Variants in DNM3 observed in about 807,000 individuals in gnomAD.
DNM3 encodes the protein dynamin 3.
In DNM3, 47 loss-of-function variants were observed where a neutral mutation model predicts 101.6. The ratio of observed to expected loss-of-function variants is 0.46; its 90% CI spans 0.37 to 0.59. DNM3 has a LOEUF of 0.59. DNM3 is among the 20% of genes least tolerant of loss of function. DNM3 has a pLI of 0.00. For missense variants in DNM3, 849 were observed against 1,085.7 expected (o/e 0.78, Z 3.06); for synonymous variants, 385 against 387.9 (o/e 0.99, Z 0.09).
At chr1:171,882,331 G>T (rs534133910) in intron 1 of DNM3, among the ~76,000 whole-genome samples, 2 of 108,200 alleles carry the variant, frequency 1.8e-5, no homozygotes, top group African/African-American at 4.1e-5. Flanking sequence ...CAACAAGAGC[G>T]AAACTCCGTC....
At chr1:172,359,149 C>CACACACACACACACAT (rs1553244184) in intron 17 of DNM3, among the ~76,000 whole-genome samples, 98 of 151,002 alleles carry the variant, frequency 6.5e-4, no homozygotes, top group Non-Finnish European at 9.9e-4. Flanking sequence ...CACACACACA[C>CACACACACACACACAT]ACACACACAC....
intron 15 of DNM3, among the ~76,000 whole-genome samples, chr1:172,264,993 G>A (rs1008229382): frequency 7.4e-4 from 112 of 152,252 alleles, no homozygotes; most frequent in African/African-American, 2.6e-3. Context: ...TTATTGTGTA[G>A]GGATTTCAGT....
intron 15 of DNM3, among the ~76,000 whole-genome samples, chr1:172,257,497 C>A (rs965076140): frequency 6.6e-5 from 10 of 152,042 alleles, no homozygotes; most frequent in Non-Finnish European, 1.5e-4. Context: ...CAGCCCTCTT[C>A]ATTCCTAATA....
chr1:172,085,690 T>C (rs891382299), intron 12 of DNM3, among the ~76,000 whole-genome samples: 11 of 152,164 alleles, frequency 7.2e-5, no homozygotes, highest in African/African-American at 2.7e-4. Context: ...ATTCTATGGG[T>C]CTTAAGATTT....
chr1:171,922,353 A>AT (rs202066802), intron 2 of DNM3, among the ~76,000 whole-genome samples: 15 of 150,842 alleles, frequency 9.9e-5, no homozygotes, highest in South Asian at 6.3e-4. Flanking sequence ...ATGATGTTGA[A>AT]TTTTTTTTTC....
intron 14 of DNM3, among the ~76,000 whole-genome samples, chr1:172,228,905 T>A (rs866083307): frequency 1.3e-5 from 2 of 152,140 alleles, no homozygotes; most frequent in African/African-American, 2.4e-5. Flanking sequence ...ATAAATTTTT[T>A]AAAATTTTTA....
At chr1:171,928,502 A>G (rs1327118680) in intron 2 of DNM3, among the ~76,000 whole-genome samples, 1 of 152,100 alleles carries the variant, frequency 6.6e-6, no homozygotes, top group African/African-American at 2.4e-5. Flanking sequence ...GGTCTGTGCT[A>G]TGGGACCAAG....
intron 14 of DNM3, among the ~76,000 whole-genome samples, chr1:172,146,522 T>C (rs1285301308): frequency 6.6e-6 from 1 of 152,152 alleles, no homozygotes; most frequent in Non-Finnish European, 1.5e-5. Context: ...ACCTATTCAA[T>C]AGTGCTTGCA....
At chr1:172,002,718 T>C (rs1389721504) in intron 4 of DNM3, among the ~76,000 whole-genome samples, 1 of 152,040 alleles carries the variant, frequency 6.6e-6, no homozygotes, top group Admixed American at 6.6e-5. Context: ...GAAAATGATA[T>C]GATTATAAAA....
chr1:172,319,301 G>C (rs1321992121), intron 16 of DNM3, among the ~76,000 whole-genome samples: 1 of 151,784 alleles, frequency 6.6e-6, no homozygotes, highest in Admixed American at 6.6e-5. Flanking sequence ...GAAAACCTAG[G>C]CATTACCATT....
intron 11 of DNM3, among the ~76,000 whole-genome samples, chr1:172,075,673 A>G (rs2052591482): frequency 6.6e-6 from 1 of 152,080 alleles, no homozygotes; most frequent in Non-Finnish European, 1.5e-5. Context: ...ATTGGTCTGT[A>G]TATCGGTTTT....
At chr1:172,382,486 A>C (rs2068963469) in intron 18 of DNM3, among the ~76,000 whole-genome samples, 1 of 152,132 alleles carries the variant, frequency 6.6e-6, no homozygotes, top group Admixed American at 6.6e-5. Context: ...TAAATGAAGA[A>C]ATTGAGGTTC....
chr1:172,059,812 T>A (rs906180641), intron 10 of DNM3, among the ~76,000 whole-genome samples: 1 of 139,968 alleles, frequency 7.1e-6, no homozygotes, highest in Non-Finnish European at 1.5e-5. Flanking sequence ...CTCTCACCAC[T>A]CCTATTCAAC....
At chr1:172,263,780 G>A (rs1241274377) in intron 15 of DNM3, among the ~76,000 whole-genome samples, 1 of 152,162 alleles carries the variant, frequency 6.6e-6, no homozygotes, top group Non-Finnish European at 1.5e-5. Context: ...TGAGATTTGG[G>A]TGGGGACACA....
chr1:172,277,467 A>G (rs2063332830), intron 15 of DNM3, among the ~76,000 whole-genome samples: 1 of 152,072 alleles, frequency 6.6e-6, no homozygotes, highest in Admixed American at 6.6e-5. Flanking sequence ...GTCTGATCAA[A>G]GGCAGTGAGT....
intron 20 of DNM3, chr1:172,394,115 GGT>G (rs1362806933): frequency 6.6e-6 from 1 of 152,186 alleles, no homozygotes; most frequent in Non-Finnish European, 1.5e-5. Context: ...GTGAATCAAT[GGT>G]TAATGTCAAA....
intron 14 of DNM3, among the ~76,000 whole-genome samples, chr1:172,181,086 G>A (rs1453238977): frequency 6.6e-6 from 1 of 151,994 alleles, no homozygotes; most frequent in Non-Finnish European, 1.5e-5. Flanking sequence ...CTACACATCA[G>A]GGCAGAAAGC....
intron 14 of DNM3, among the ~76,000 whole-genome samples, chr1:172,201,370 T>C (rs1314137016): frequency 6.6e-6 from 1 of 152,120 alleles, no homozygotes; most frequent in Non-Finnish European, 1.5e-5. Context: ...GGGTGATCTG[T>C]GTTTATCTTT....
At chr1:172,276,018 T>C (rs1228946888) in intron 15 of DNM3, among the ~76,000 whole-genome samples, 1 of 152,084 alleles carries the variant, frequency 6.6e-6, no homozygotes, top group Non-Finnish European at 1.5e-5. Flanking sequence ...CTCTTAAGAT[T>C]TTATGTATTA....
Sources: gnomAD v4.1 joint callset for allele counts (sites outside exome capture counted in the v4.1 genomes callset) on GRCh38, gnomAD v4.1.1 for gene constraint, MANE v1.5 for transcripts, NCBI Gene and HGNC (gene_info 2026-07-23, HGNC 2026-07-21) for gene names.